The following C2orf80 variants were observed in gnomAD, a reference collection of about 807,000 sequenced individuals.
C2orf80 encodes the protein chromosome 2 open reading frame 80.
A neutral mutation model predicts 30.2 loss-of-function variants in C2orf80; 28 were observed. The ratio of observed to expected loss-of-function variants is 0.93; its 90% CI spans 0.69 to 1.27. The LOEUF (loss-of-function observed/expected upper bound fraction) is 1.27, where lower values mean the gene tolerates loss of function less well. Among genes scored for constraint, C2orf80 ranks in the 50% most tolerant of loss-of-function variants. The pLI is 0.00. For synonymous variants in C2orf80, 80 were observed against 76.4 expected (o/e 1.05, Z -0.24); for missense variants, 220 against 231.0 (o/e 0.95, Z 0.31).
Position 208,172,082 on chromosome 2 carries a change from G to T in C2orf80, c.367-7C>A, listed in dbSNP as rs199641982. ...GAGATGAAACTCGGGGAACCTGAAA[G>T]GAAAACAGTCCTACTTTTAAAATCT... is the stretch of plus-strand genomic sequence containing the variant. On this transcript the variant is annotated splice_region_variant and splice_polypyrimidine_tract_variant and intron_variant, in intron 6 of 8. Coordinates refer to ENST00000341287, the MANE Select transcript of C2orf80 (RefSeq NM_001099334.3). 5 of 1,601,266 alleles carry T rather than the reference G, an allele frequency of 3.1e-6. No individual in the cohort carries two copies. Among genetic ancestry groups the T allele is most frequent in the Non-Finnish European group, 8.6e-7 (1 of 1,168,518 alleles).
Position 208,165,633 on chromosome 2 carries a change from T to C in C2orf80, c.*174A>G, listed in dbSNP as rs1351012032. On this transcript the variant is annotated 3_prime_UTR_variant, in exon 9 of 9. Coordinates refer to ENST00000341287, the MANE Select transcript of C2orf80 (RefSeq NM_001099334.3). ...TTTTTTTTTTAAGAAAATGTAGCCA[T>C]GCAATATGCTTCTAAAAGAAGAAAG... 17 of 686,798 alleles carry C rather than the reference T, an allele frequency of 2.5e-5. No individual in the cohort carries two copies. Among genetic ancestry groups the C allele is most frequent in the Admixed American group, 3.5e-5 (1 of 28,438 alleles). 42.5% of individuals were successfully genotyped at this position (686,798 alleles called of 1,614,324 possible). A position where few individuals can be genotyped will look rare whatever the true frequency, so the allele number is the denominator to read the frequency against.
chr2:208,185,872 A>G (rs746756502), intron 2 of C2orf80, among the ~76,000 whole-genome samples: 9 of 152,236 alleles, frequency 5.9e-5, no homozygotes, highest in Non-Finnish European at 8.8e-5. Flanking sequence ...TATTTATATC[A>G]CTTTTGAAAT....
intron 3 of C2orf80, among the ~76,000 whole-genome samples, chr2:208,184,193 G>A (rs1696646751): frequency 2.1e-5 from 3 of 145,144 alleles, no homozygotes; most frequent in Admixed American, 6.8e-5. Context: ...CCTCACCCCC[G>A]CCCCCCTTCA....
chr2:208,166,799 G>A (rs563682814), intron 8 of C2orf80, among the ~76,000 whole-genome samples: 8 of 152,104 alleles, frequency 5.3e-5, no homozygotes, highest in African/African-American at 1.9e-4. Flanking sequence ...GACTACAGGC[G>A]CCACCACGCC....
chr2:208,188,681 C>T (rs922049035), intron 1 of C2orf80, among the ~76,000 whole-genome samples: 1 of 152,076 alleles, frequency 6.6e-6, no homozygotes, highest in African/African-American at 2.4e-5. Flanking sequence ...CATCTCCTGA[C>T]CTTGTAATCC....
intron 6 of C2orf80, among the ~76,000 whole-genome samples, chr2:208,178,595 C>T (rs759794017): frequency 3.3e-5 from 5 of 151,920 alleles, no homozygotes; most frequent in Admixed American, 6.6e-5. Context: ...AGGTAAGCTC[C>T]AATATAGGAT....
intron 3 of C2orf80, among the ~76,000 whole-genome samples, chr2:208,183,645 C>T (rs1035324721): frequency 2.6e-5 from 4 of 152,038 alleles, no homozygotes; most frequent in Admixed American, 1.3e-4. Flanking sequence ...GAGAGGGAAG[C>T]TGCATTGGAG....
chr2:208,178,302 C>G (rs1696431978), intron 6 of C2orf80, among the ~76,000 whole-genome samples: 1 of 152,048 alleles, frequency 6.6e-6, no homozygotes, highest in Admixed American at 6.6e-5. Context: ...TGTGCTGATG[C>G]CTTTCTAGAC....
In C2orf80 at chr2:208,184,935, G is replaced by A. The variant is rs567095308; in HGVS notation, c.123+16C>T. 3 of 1,599,758 alleles carry A rather than the reference G, an allele frequency of 1.9e-6. No individual in the cohort carries two copies. The highest frequency in any genetic ancestry group is 2.7e-5 in the African/African-American group (2 of 74,772). ...TATAACACAAATATGACTCGCATCA[G>A]CGTGCCTTTCTTTACCATATCATCT... is the stretch of plus-strand genomic sequence containing the variant. On this transcript the variant is annotated intron_variant, in intron 3 of 8. Transcript: ENST00000341287.
Position 208,176,941 on chromosome 2 carries a change from C to G in C2orf80, c.366+3804G>C, listed in dbSNP as rs201336011. Reference sequence around the variant, plus strand: ...TATCTGTATACATATGTATACATATCTGTATACATATCTGTATACATATGT... The same window carrying G: ...TATCTGTATACATATGTATACATATGTGTATACATATCTGTATACATATGT... On this transcript the variant is annotated intron_variant, in intron 6 of 8. Transcript: ENST00000341287. Among the ~76,000 whole-genome samples the G allele has an allele frequency of 9.3e-4, 28 of 30,190 alleles. 1 individual carries two copies. The highest frequency in any genetic ancestry group is 1.7e-3 in the Non-Finnish European group (16 of 9,394). 19.8% of individuals were successfully genotyped at this position (30,190 alleles called of 152,430 possible).
chr2:208,180,376 A>G (rs1408204653), intron 6 of C2orf80, among the ~76,000 whole-genome samples: 2 of 151,464 alleles, frequency 1.3e-5, no homozygotes, highest in African/African-American at 4.9e-5. Flanking sequence ...CCTTGAACCC[A>G]GGAGGCAGAA....
At chr2:208,180,949 A>G in intron 5 of C2orf80, 133 bp from the exon 6 acceptor site, 1 of 731,676 alleles carries the variant, frequency 1.4e-6, no homozygotes, top group Non-Finnish European at 2.2e-6. Flanking sequence ...ACAGTAAATA[A>G]CTTCTGATCA....
chr2:208,174,593 T>A (rs894545188), intron 6 of C2orf80, among the ~76,000 whole-genome samples: 15 of 152,212 alleles, frequency 9.9e-5, no homozygotes, highest in Admixed American at 5.2e-4. Context: ...TTTGGGTAAG[T>A]GTAATCATGC....
intron 8 of C2orf80, among the ~76,000 whole-genome samples, chr2:208,168,816 A>G (rs897822189): frequency 8.0e-6 from 1 of 125,390 alleles, no homozygotes; most frequent in Non-Finnish European, 1.6e-5. Flanking sequence ...CTACTAAAAC[A>G]TGGGCATTTG....
intron 4 of C2orf80, 35 bp from the exon 5 acceptor site, chr2:208,181,340 A>T: frequency 7.1e-7 from 1 of 1,410,482 alleles, no homozygotes; most frequent in Non-Finnish European, 1.0e-6. Flanking sequence ...TGGAAGATTT[A>T]TTCTTGTTCT....
intron 7 of C2orf80, among the ~76,000 whole-genome samples, chr2:208,171,381 C>T (rs1293295034): frequency 1.3e-5 from 2 of 151,892 alleles, no homozygotes; most frequent in African/African-American, 2.4e-5. Context: ...AGTGCAGTGG[C>T]GCAATCTCAG....
At position 208,181,434 on chromosome 2, in the gene C2orf80, A is replaced by G. The variant is rs1206695089; in HGVS notation, c.207-129T>C. ...CTATCTGCTTATTTATATTAATAAA[A>G]TTGGTATGATTGTTCCTCCATCGGT... On this transcript the variant is annotated intron_variant, in intron 4 of 8. Transcript: ENST00000341287. 22 of 567,950 alleles carry G rather than the reference A, an allele frequency of 3.9e-5. No individual in the cohort carries two copies. The East Asian group carries it at 5.9e-4, about 15-fold the overall frequency. The allele number at this position is 567,950 out of a possible 1,614,324, so 35.2% of individuals were successfully genotyped here.
chr2:208,185,532 T>A (rs1446677543), intron 2 of C2orf80, among the ~76,000 whole-genome samples: 1 of 152,188 alleles, frequency 6.6e-6, no homozygotes, highest in Non-Finnish European at 1.5e-5. Flanking sequence ...TGATTCCACT[T>A]TAGTTTATCC....
intron 6 of C2orf80, among the ~76,000 whole-genome samples, chr2:208,175,172 G>C (rs1482321170): frequency 7.3e-6 from 1 of 137,794 alleles, no homozygotes; most frequent in African/African-American, 2.6e-5. Context: ...TGTAATTCCA[G>C]CTACTCGGGA....
Sources: gnomAD v4.1 joint callset for allele counts (sites outside exome capture counted in the v4.1 genomes callset) on GRCh38, gnomAD v4.1.1 for gene constraint, MANE v1.5 for transcripts, NCBI Gene and HGNC (gene_info 2026-07-23, HGNC 2026-07-21) for gene names.